The following FAM186B variants were observed in gnomAD, a reference collection of about 807,000 sequenced individuals.
The protein encoded by FAM186B is family with sequence similarity 186 member B, also known as protein FAM186B.
In FAM186B, 68 loss-of-function variants were observed where a neutral mutation model predicts 83.4. That is an observed-to-expected ratio of 0.81 (90% confidence interval 0.67 to 1.00). FAM186B has a LOEUF of 1.00. Ranked by LOEUF, FAM186B falls within the 50% of genes least tolerant of loss-of-function variation. The pLI is 0.00. For synonymous variants in FAM186B, 389 were observed against 422.0 expected, an observed-to-expected ratio of 0.92 and a Z score of 0.96; for missense variants, 983 against 1,099.2, an observed-to-expected ratio of 0.89 and a Z score of 1.49.
the FAM186B span, among the ~76,000 whole-genome samples, chr12:49,618,869 G>C: frequency 3.3e-5 from 5 of 152,210 alleles, no homozygotes. Flanking sequence ...GATGATTCAA[G>C]ATTATTCCCC....
At chr12:49,588,172 A>G (rs1461535000) in intron 6 of FAM186B, among the ~76,000 whole-genome samples, 3 of 152,238 alleles carry the variant, frequency 2.0e-5, no homozygotes, top group Admixed American at 6.5e-5. Flanking sequence ...TAGAAAGGTT[A>G]TAAGTTTTCA....
intron 5 of FAM186B, among the ~76,000 whole-genome samples, chr12:49,596,497 G>C (rs1389216022): frequency 2.0e-5 from 3 of 148,556 alleles, no homozygotes; most frequent in Non-Finnish European, 4.5e-5. Flanking sequence ...AAAAAAAAAA[G>C]ACATAAAAAT....
chr12:49,600,946 C>A lies in FAM186B; in HGVS notation c.694G>T (p.Ala232Ser). The A allele has an allele frequency of 6.2e-7, 1 of 1,614,028 alleles. No homozygotes were observed. The highest frequency in any genetic ancestry group is 1.1e-5 in the South Asian group (1 of 91,062). Residue 232 changes from alanine (A) to serine (S), a missense_variant, in exon 4 of 7, where the codon GCC (alanine) becomes TCC (serine). By Grantham distance (99) the Ala-to-Ser change is moderately conservative. Coordinates refer to ENST00000257894, the MANE Select transcript of FAM186B (RefSeq NM_032130.3). The surrounding 1 kb of genome is among the most constrained non-coding windows in gnomAD (Gnocchi z 4.3). ...STMFSKGEVR[A>S]IRYMATVVEN... ...ACCACAGTGGCCATGTACCTGATGG[C>A]CCTGACCTCCCCCTTGCTGAACATG...
intron 5 of FAM186B, among the ~76,000 whole-genome samples, chr12:49,595,847 T>C (rs1423603490): frequency 1.3e-5 from 2 of 151,850 alleles, no homozygotes; most frequent in Non-Finnish European, 2.9e-5. Context: ...TACCCGGGCG[T>C]GGCGGTGGGT....
upstream of FAM186B, among the ~76,000 whole-genome samples, chr12:49,608,125 C>T (rs976291491): frequency 6.6e-6 from 1 of 151,478 alleles, no homozygotes; most frequent in Admixed American, 6.6e-5. Context: ...GAGGCTGAAA[C>T]AAGAGGATTG....
chr12:49,596,738 A>G (rs1939736044), intron 5 of FAM186B, among the ~76,000 whole-genome samples: 1 of 152,226 alleles, frequency 6.6e-6, no homozygotes, highest in African/African-American at 2.4e-5. Flanking sequence ...TAAAAAAATT[A>G]AAAATGAAAT....
At chr12:49,583,129 T>C, downstream of FAM186B, 1 of 451,082 alleles carries the variant, frequency 2.2e-6, no homozygotes, top group Non-Finnish European at 4.4e-6. Context: ...CATGAAACCT[T>C]TGAAAATATG....
chr12:49,586,343 CT>C (rs1265751628), downstream of FAM186B, among the ~76,000 whole-genome samples: 1 of 152,124 alleles, frequency 6.6e-6, no homozygotes, highest in African/African-American at 2.4e-5. Context: ...GAGGCTGCTG[CT>C]TGGTGCTGTT....
At chr12:49,619,342 A>C in the FAM186B span, 1 of 373,532 alleles carries the variant, frequency 2.7e-6, no homozygotes, top group South Asian at 5.8e-5. Context: ...CTGTGTCAAC[A>C]AATACAGATG....
rs1018735609 is a variant in FAM186B, at chr12:49,595,858, G to T, written c.2364+2897C>A. On this transcript the variant is annotated intron_variant, in intron 5 of 6. Coordinates refer to ENST00000257894, the MANE Select transcript of FAM186B (RefSeq NM_032130.3). ...AAATTACCCGGGCGTGGCGGTGGGTGCCCATAGTCCCAGCTACTCGGGAGG... is the reference window on the plus strand; with the variant it reads ...AAATTACCCGGGCGTGGCGGTGGGTTCCCATAGTCCCAGCTACTCGGGAGG... Among the ~76,000 whole-genome samples the T allele has an allele frequency of 6.6e-5, 10 of 152,332 alleles. No homozygotes were observed. In the East Asian group the frequency reaches 1.5e-3, roughly 24 times the overall value.
intron 5 of FAM186B, among the ~76,000 whole-genome samples, chr12:49,594,531 ATATAC>A (rs1412048942): frequency 5.9e-5 from 9 of 152,202 alleles, no homozygotes; most frequent in Non-Finnish European, 1.2e-4. Flanking sequence ...AATTTTAACA[ATATAC>A]TATAATAAAA....
the FAM186B span, among the ~76,000 whole-genome samples, chr12:49,618,964 A>G: frequency 6.6e-6 from 1 of 152,256 alleles, no homozygotes; most frequent in African/African-American, 2.4e-5. Context: ...AGAACATTGG[A>G]AACAAGAAGT....
chr12:49,592,780 T>C (rs1375266577), intron 5 of FAM186B, among the ~76,000 whole-genome samples: 1 of 151,632 alleles, frequency 6.6e-6, no homozygotes, highest in Non-Finnish European at 1.5e-5. Context: ...AGAAAGACTC[T>C]CTCAAAAAAT....
downstream of FAM186B, among the ~76,000 whole-genome samples, chr12:49,587,030 T>C (rs2138235130): frequency 6.6e-6 from 1 of 152,130 alleles, no homozygotes; most frequent in South Asian, 2.1e-4. Context: ...GTAGAGAGGG[T>C]CCTTAAAAGA....
At chr12:49,611,535 CAG>C in the FAM186B span, among the ~76,000 whole-genome samples, 4 of 148,496 alleles carry the variant, frequency 2.7e-5, no homozygotes, top group Non-Finnish European at 5.9e-5. Flanking sequence ...GCCTGGGCAA[CAG>C]AGCAAGACTG....
In FAM186B at chr12:49,600,361, T is replaced by C. The variant is rs550041234; in HGVS notation, c.1279A>G (p.Lys427Glu). Residue 427 changes from lysine (K) to glutamate (E), a missense_variant, in exon 4 of 7, where the codon AAG (lysine) becomes GAG (glutamate). Transcript: ENST00000257894. The surrounding 1 kb of genome is among the most constrained non-coding windows in gnomAD (Gnocchi z 4.3). ...LLPLVDRRFP[K>E]KWERPVAESL... ...TCTGCCACCGGTCTTTCCCATTTCT[T>C]AGGAAACCTGCGATCTACTAAGGGT... 2.5e-6 allele frequency: 4 copies of C among 1,614,160 alleles called. No individual in the cohort carries two copies. In the Admixed American group the frequency reaches 6.7e-5, roughly 27 times the overall value.
chr12:49,585,458 A>C (rs1350417644), downstream of FAM186B, among the ~76,000 whole-genome samples: 1 of 152,244 alleles, frequency 6.6e-6, no homozygotes, highest in Non-Finnish European at 1.5e-5. Context: ...CCTGTCAGAC[A>C]GAGAACCCAG....
At chr12:49,622,243 G>A in the FAM186B span, among the ~76,000 whole-genome samples, 1 of 109,980 alleles carries the variant, frequency 9.1e-6, no homozygotes, top group African/African-American at 3.5e-5. Context: ...CTCCTGCCGC[G>A]GCGGCGGCTG....
chr12:49,603,133 G>A (rs1475432356), intron 3 of FAM186B, 52 bp downstream of exon 3: 2 of 1,597,358 alleles, frequency 1.3e-6, no homozygotes, highest in Non-Finnish European at 1.7e-6. Context: ...CCCCTGCCAT[G>A]GCTCCACCCC....
Sources: gnomAD v4.1 joint callset for allele counts (sites outside exome capture counted in the v4.1 genomes callset) on GRCh38, gnomAD v4.1.1 for gene constraint, Gnocchi (gnomAD v3.1) non-coding constraint, MANE v1.5 for transcripts, NCBI Gene and HGNC (gene_info 2026-07-23, HGNC 2026-07-21) for gene names.